The following MDFIC variants were observed in gnomAD, a reference collection of about 807,000 sequenced individuals.
MDFIC encodes the protein myoD family inhibitor domain-containing protein.
MDFIC carries 17 observed loss-of-function variants against 23.2 expected under a neutral mutation model. The observed-to-expected ratio is 0.73, with a 90% confidence interval of 0.50 to 1.10. The LOEUF (loss-of-function observed/expected upper bound fraction) is 1.10, where lower values mean the gene tolerates loss of function less well. MDFIC is among the 50% of genes least tolerant of loss of function. MDFIC has a pLI of 0.00. For synonymous variants in MDFIC, 120 were observed against 115.2 expected (o/e 1.04, Z -0.27); for missense variants, 356 against 316.6 (o/e 1.12, Z -0.95).
rs552420206 is a variant in MDFIC, at chr7:114,952,463, G to A, written c.217+10066G>A. Among the ~76,000 whole-genome samples, 22 of 151,352 alleles carry A rather than the reference G, an allele frequency of 1.5e-4. No individual in the cohort carries two copies. In the South Asian group the frequency reaches 1.7e-3, roughly 11 times the overall value. On this transcript the variant is annotated intron_variant, in intron 3 of 4. Coordinates refer to ENST00000393486, the MANE Select transcript of MDFIC (RefSeq NM_001166345.3). ...TTTAAGGAGTTAGTGACAAATCCAT[G>A]CTCCACAGTTTTCCACCAAAAGCTG...
At chr7:114,922,791 TCG>T in intron 1 of MDFIC, 134 bp from the exon 2 acceptor site, 1 of 1,305,734 alleles carries the variant, frequency 7.7e-7, no homozygotes, top group Non-Finnish European at 1.0e-6. Context: ...ACAGTTTTCT[TCG>T]CAAGTTTCAA....
intron 2 of MDFIC, among the ~76,000 whole-genome samples, chr7:114,930,642 T>C (rs757690101): frequency 6.6e-6 from 1 of 152,208 alleles, no homozygotes; most frequent in Non-Finnish European, 1.5e-5. Context: ...AATAACAGTG[T>C]GCAATTATTT....
At chr7:114,994,575 T>A (rs1191093553) in intron 4 of MDFIC, among the ~76,000 whole-genome samples, 2 of 152,210 alleles carry the variant, frequency 1.3e-5, no homozygotes, top group Non-Finnish European at 2.9e-5. Flanking sequence ...CATTTGCTTA[T>A]CTGTAAAGTA....
Position 115,015,776 on chromosome 7 carries a change from C to G in MDFIC, c.582C>G (p.Ile194Met). ...NIVLGQASCG[I>M]CTSEACCCCC... ...TCCTGGGACAAGCGTCATGTGGCAT[C>G]TGCACCTCAGAAGCCTGCTGCTGTT... is the stretch of plus-strand genomic sequence containing the variant. Residue 194 changes from isoleucine to methionine, a missense_variant, in exon 5 of 5, where the codon ATC becomes ATG. Ile to Met is a conservative substitution (Grantham distance 10). Transcript: ENST00000393486. 1 of 1,614,222 alleles carries G rather than the reference C, an allele frequency of 6.2e-7. No individual in the cohort carries two copies. Among genetic ancestry groups the G allele is most frequent in the Non-Finnish European group, 8.5e-7 (1 of 1,180,032 alleles).
intron 4 of MDFIC, among the ~76,000 whole-genome samples, chr7:115,003,154 C>T (rs1366643159): frequency 6.6e-6 from 1 of 152,152 alleles, no homozygotes; most frequent in Non-Finnish European, 1.5e-5. Context: ...TTTCTACTTC[C>T]ATGTTTACTC....
Position 114,922,154 on chromosome 7 carries a change from C to A in MDFIC, c.-590C>A. On this transcript the variant is annotated 5_prime_UTR_variant, in exon 1 of 5. Coordinates refer to ENST00000393486, the MANE Select transcript of MDFIC (RefSeq NM_001166345.3). ...CGCCCGGGTGGGGAGCCCGAGCCAG[C>A]CCAGGCCGGCTCTGGCCTCCTGACC... The A allele has an allele frequency of 2.8e-6, 1 of 354,260 alleles. No individual in the cohort carries two copies. The highest frequency in any genetic ancestry group is 5.0e-6 in the Non-Finnish European group (1 of 198,652). The allele number at this position is 354,260 out of a possible 1,614,324, so 21.9% of individuals were successfully genotyped here.
At chr7:114,939,075 C>T (rs1268557061) in intron 2 of MDFIC, among the ~76,000 whole-genome samples, 1 of 151,912 alleles carries the variant, frequency 6.6e-6, no homozygotes, top group South Asian at 2.1e-4. Context: ...CAGAGCATTT[C>T]TTCAGTGTTA....
At chr7:114,935,111 G>A (rs577565855) in intron 2 of MDFIC, among the ~76,000 whole-genome samples, 28 of 152,114 alleles carry the variant, frequency 1.8e-4, no homozygotes, top group African/African-American at 6.7e-4. Context: ...AGAGATTTTA[G>A]TCTCAGATTA....
chr7:114,968,122 C>T (rs999382859), intron 3 of MDFIC, among the ~76,000 whole-genome samples: 1 of 152,088 alleles, frequency 6.6e-6, no homozygotes, highest in Non-Finnish European at 1.5e-5. Flanking sequence ...CAGCCTCAAT[C>T]GTGTTAATCT....
In MDFIC at chr7:115,017,297, CTATT is replaced by C. The variant is rs1029820722; in HGVS notation, c.*1365_*1368del. ...AACATAATGCCTTAGTAAAATAGCTCTATTTAATAAAGAAGATTGAGTACTCTGA... is the reference window on the plus strand; with the variant it reads ...AACATAATGCCTTAGTAAAATAGCTCTAATAAAGAAGATTGAGTACTCTGA... On this transcript the variant is annotated 3_prime_UTR_variant, in exon 5 of 5. Coordinates refer to ENST00000393486, the MANE Select transcript of MDFIC (RefSeq NM_001166345.3). 6.6e-6 allele frequency: 1 copy of C among 151,918 alleles called. No homozygotes were observed. Among genetic ancestry groups the C allele is most frequent in the African/African-American group, 2.4e-5 (1 of 41,360 alleles). 9.4% of individuals were successfully genotyped at this position (151,918 alleles called of 1,614,324 possible).
intron 4 of MDFIC, among the ~76,000 whole-genome samples, chr7:115,003,587 A>C (rs1034700635): frequency 6.6e-6 from 1 of 151,936 alleles, no homozygotes; most frequent in Non-Finnish European, 1.5e-5. Flanking sequence ...CTATATTATC[A>C]CTGCATGTCG....
chr7:114,985,797 G>A (rs938463752), intron 4 of MDFIC, among the ~76,000 whole-genome samples: 1 of 151,290 alleles, frequency 6.6e-6, no homozygotes, highest in Admixed American at 6.6e-5. Context: ...ACCAGTCTAC[G>A]GAGCCTGGGA....
At chr7:114,995,096 TTGATCTTCAGTCAC>T (rs1307584099) in intron 4 of MDFIC, among the ~76,000 whole-genome samples, 5 of 152,208 alleles carry the variant, frequency 3.3e-5, no homozygotes, top group African/African-American at 1.2e-4. Context: ...TTTCATTCAT[TTGATCTTCAGTCAC>T]TGATACCCTT....
chr7:114,996,796 A>T (rs1383741887), intron 4 of MDFIC, among the ~76,000 whole-genome samples: 2 of 152,180 alleles, frequency 1.3e-5, no homozygotes, highest in Non-Finnish European at 2.9e-5. Flanking sequence ...TCCCTATATG[A>T]TTCTAATTTG....
intron 4 of MDFIC, chr7:115,014,123 A>G (rs1791742507): frequency 1.0e-6 from 1 of 985,218 alleles, no homozygotes; most frequent in Non-Finnish European, 1.2e-6. Flanking sequence ...TGCCAAGTGG[A>G]GTGTATGACT....
intron 2 of MDFIC, among the ~76,000 whole-genome samples, chr7:114,925,731 A>G (rs1180673390): frequency 6.6e-6 from 1 of 152,132 alleles, no homozygotes; most frequent in African/African-American, 2.4e-5. Context: ...GTATCTTCAG[A>G]TATTTCAAGT....
chr7:114,989,229 G>T (rs1462593454), intron 4 of MDFIC, among the ~76,000 whole-genome samples: 2 of 152,114 alleles, frequency 1.3e-5, no homozygotes, highest in Non-Finnish European at 2.9e-5. Flanking sequence ...CTATATCAAG[G>T]TGCACCAGAT....
chr7:114,954,115 AC>A (rs1436944860), intron 3 of MDFIC, among the ~76,000 whole-genome samples: 1 of 152,192 alleles, frequency 6.6e-6, no homozygotes, highest in African/African-American at 2.4e-5. Context: ...TAACAGCCGT[AC>A]CTGTTTCACT....
At chr7:115,009,858 T>C (rs1791645950) in intron 4 of MDFIC, among the ~76,000 whole-genome samples, 1 of 152,242 alleles carries the variant, frequency 6.6e-6, no homozygotes. Context: ...GCTACTTGGC[T>C]TCTGGAGTGT....
Sources: allele counts gnomAD v4.1 joint callset (sites outside exome capture counted in the v4.1 genomes callset), GRCh38; gene constraint gnomAD v4.1.1; transcripts MANE v1.5; gene names NCBI Gene and HGNC (gene_info 2026-07-23, HGNC 2026-07-21).